The following SAMD7 variants were observed in gnomAD, a reference collection of about 807,000 sequenced individuals.
SAMD7 encodes the protein sterile alpha motif domain-containing protein 7.
In SAMD7, 34 loss-of-function variants were observed where a neutral mutation model predicts 36.7. That is an observed-to-expected ratio of 0.93 (90% CI 0.71 to 1.23). SAMD7 has a LOEUF of 1.23. Ranked by LOEUF, SAMD7 falls within the 50% of genes most tolerant of loss-of-function variation. The probability of loss-of-function intolerance (pLI) is 0.00; values close to 1 mark genes in which losing one functional copy is unlikely to be tolerated. For synonymous variants in SAMD7, 188 were observed against 189.7 expected (o/e 0.99, Z 0.07); for missense variants, 570 against 546.6 (o/e 1.04, Z -0.43).
At chr3:169,931,137 A>G (rs1713475879) in intron 7 of SAMD7, among the ~76,000 whole-genome samples, 2 of 152,252 alleles carry the variant, frequency 1.3e-5, no homozygotes, top group Admixed American at 6.5e-5. Flanking sequence ...CTGTTAAGGA[A>G]CATTCAGGAG....
At chr3:169,935,358 C>T (rs1713680986) in intron 7 of SAMD7, among the ~76,000 whole-genome samples, 1 of 152,118 alleles carries the variant, frequency 6.6e-6, no homozygotes, top group Admixed American at 6.5e-5. Flanking sequence ...CATGAGGACC[C>T]ACAGTATATG....
intron 1 of SAMD7, 88 bp from the exon 2 acceptor site, chr3:169,915,279 C>T (rs931573503): frequency 6.6e-6 from 1 of 152,266 alleles, no homozygotes; most frequent in Admixed American, 6.5e-5. Flanking sequence ...TTGACTTTTC[C>T]CTTCCTGGTC....
chr3:169,916,172 C>T (rs1387462892), intron 2 of SAMD7, among the ~76,000 whole-genome samples: 1 of 152,146 alleles, frequency 6.6e-6, no homozygotes, highest in East Asian at 1.9e-4. Flanking sequence ...CCAGTCACAG[C>T]AGGACAAATA....
intron 3 of SAMD7, among the ~76,000 whole-genome samples, chr3:169,919,973 G>T (rs1712979785): frequency 6.6e-6 from 1 of 152,194 alleles, no homozygotes; most frequent in African/African-American, 2.4e-5. Flanking sequence ...AGGAGTTTGA[G>T]ACCAGCCTGA....
At chr3:169,929,514 A>G (rs1262483886) in intron 7 of SAMD7, among the ~76,000 whole-genome samples, 1 of 152,240 alleles carries the variant, frequency 6.6e-6, no homozygotes, top group African/African-American at 2.4e-5. Context: ...TACGGGACTT[A>G]CGGAAAAACT....
chr3:169,927,090 C>T lies in SAMD7; in HGVS notation c.828C>T (p.Asp276=). 1 of 1,599,438 alleles carries T rather than the reference C, an allele frequency of 6.3e-7. No homozygotes were observed. Among genetic ancestry groups the T allele is most frequent in the South Asian group, 1.1e-5 (1 of 89,408 alleles). ...HTTTLKAKAW[D]DGKEEASEQI... ...CTACCCTGAAAGCAAAGGCCTGGGA[C>T]GATGGGAAAGAGGAGGCTTCGGAGC... The change falls in exon 6 of 9, where the codon GAC becomes GAT. Residue 276 remains aspartate (D), a synonymous_variant. Coordinates refer to ENST00000335556, the MANE Select transcript of SAMD7 (RefSeq NM_001304366.2).
At chr3:169,929,715 C>T (rs180710333) in intron 7 of SAMD7, among the ~76,000 whole-genome samples, 187 of 152,264 alleles carry the variant, frequency 1.2e-3, no homozygotes, top group Non-Finnish European at 2.3e-3. Flanking sequence ...CATTAGAGTG[C>T]ATGGCACCTT....
intron 4 of SAMD7, among the ~76,000 whole-genome samples, chr3:169,922,173 A>G (rs952916575): frequency 1.3e-5 from 2 of 152,218 alleles, no homozygotes; most frequent in African/African-American, 4.8e-5. Context: ...CGGAGAGGTC[A>G]GGAAGGCAGC....
intron 6 of SAMD7, 85 bp downstream of exon 6, chr3:169,927,266 C>A: frequency 1.3e-6 from 1 of 756,790 alleles, no homozygotes. Flanking sequence ...CTGTAACCAT[C>A]CTGCCTCTTT....
In SAMD7 at chr3:169,939,107, G is replaced by C. The variant is rs1713832532; in HGVS notation, c.*601G>C. 6.6e-6 allele frequency: 1 copy of C among 152,076 alleles called. No homozygotes were observed. The highest frequency in any genetic ancestry group is 1.9e-4 in the East Asian group (1 of 5,182). 9.4% of individuals were successfully genotyped at this position (152,076 alleles called of 1,614,324 possible). A position where few individuals can be genotyped will look rare whatever the true frequency, so the allele number is the denominator to read the frequency against. On this transcript the variant is annotated 3_prime_UTR_variant, in exon 9 of 9. Transcript: ENST00000335556. ...GGAGTCTGAGGCGGGCGGATCATGA[G>C]GTCAGGAGATTAAGACCAGCTTGGC... is the stretch of plus-strand genomic sequence containing the variant.
At chr3:169,933,932 G>A (rs946958005) in intron 7 of SAMD7, among the ~76,000 whole-genome samples, 2 of 152,264 alleles carry the variant, frequency 1.3e-5, no homozygotes, top group African/African-American at 4.8e-5. Context: ...AGACCTGAAA[G>A]TCAAGAGGAG....
chr3:169,932,675 T>C (rs1576837752), intron 7 of SAMD7: 1 of 556,152 alleles, frequency 1.8e-6, no homozygotes. Context: ...TGTCACACTT[T>C]GGCTTCCAGA....
rs143042544 is a variant in SAMD7, at chr3:169,918,608, A to G, written c.-41-850A>G. Among the ~76,000 whole-genome samples the G allele has an allele frequency of 2.9e-3, 447 of 152,382 alleles. 3 individuals are homozygous for G. Among genetic ancestry groups the G allele is most frequent in the African/African-American group, 0.01 (433 of 41,594 alleles). ...GATCACTAGTTTCTGAAGGTAAAGCATATGAATATTTGTATTTATGTAAAC... is the reference window on the plus strand; with the variant it reads ...GATCACTAGTTTCTGAAGGTAAAGCGTATGAATATTTGTATTTATGTAAAC... On this transcript the variant is annotated intron_variant, in intron 2 of 8. Coordinates refer to ENST00000335556, the MANE Select transcript of SAMD7 (RefSeq NM_001304366.2).
At chr3:169,912,807 T>C (rs1712655440) in intron 1 of SAMD7, among the ~76,000 whole-genome samples, 1 of 152,160 alleles carries the variant, frequency 6.6e-6, no homozygotes, top group Non-Finnish European at 1.5e-5. Context: ...GTGAAATACA[T>C]TTTAGCAGCA....
At chr3:169,936,475 A>T (rs1713722328) in intron 8 of SAMD7, 26 bp downstream of exon 8, 1 of 1,187,188 alleles carries the variant, frequency 8.4e-7, no homozygotes, top group African/African-American at 1.5e-5. Context: ...ATAACTAATT[A>T]TGTATTAATG....
intron 4 of SAMD7, among the ~76,000 whole-genome samples, 195 bp downstream of exon 4, chr3:169,921,533 C>G (rs1990804): frequency 0.78 from 118,907 of 152,134 alleles, 47,079 homozygotes; most frequent in Middle Eastern, 0.87. Context: ...CTGCTTGACT[C>G]CTCTAAGTGT....
intron 1 of SAMD7, among the ~76,000 whole-genome samples, chr3:169,912,718 C>T (rs1389251271): frequency 6.6e-6 from 1 of 152,244 alleles, no homozygotes; most frequent in East Asian, 1.9e-4. Flanking sequence ...ACGTAACCCA[C>T]TGTCTTCAAT....
intron 4 of SAMD7, among the ~76,000 whole-genome samples, chr3:169,924,327 G>A (rs911820027): frequency 2.6e-5 from 4 of 152,014 alleles, no homozygotes; most frequent in African/African-American, 7.3e-5. Flanking sequence ...AGTGGCTCAC[G>A]CCTGTAATCC....
At chr3:169,936,843 G>A (rs1037461775) in intron 8 of SAMD7, among the ~76,000 whole-genome samples, 12 of 151,544 alleles carry the variant, frequency 7.9e-5, no homozygotes, top group African/African-American at 1.9e-4. Context: ...TGCCCTCCTC[G>A]CTCCGGGCCC....
Sources: gnomAD v4.1 joint callset for allele counts (sites outside exome capture counted in the v4.1 genomes callset) on GRCh38, gnomAD v4.1.1 for gene constraint, MANE v1.5 for transcripts, NCBI Gene and HGNC (gene_info 2026-07-23, HGNC 2026-07-21) for gene names.